The following ARHGAP18 variants were observed in gnomAD, a reference collection of about 807,000 sequenced individuals.
ARHGAP18 encodes rho GTPase-activating protein 18.
ARHGAP18 carries 67 observed loss-of-function variants against 86.2 expected under a neutral mutation model. The ratio of observed to expected loss-of-function variants is 0.78; its 90% CI spans 0.64 to 0.95. The LOEUF (loss-of-function observed/expected upper bound fraction) is 0.95, where lower values mean the gene tolerates loss of function less well. ARHGAP18 is among the 40% of genes least tolerant of loss of function. The pLI is 0.00. For synonymous variants in ARHGAP18, 283 were observed against 280.4 expected (o/e 1.01, Z -0.09); for missense variants, 691 against 780.4 (o/e 0.89, Z 1.37).
intron 1 of ARHGAP18, among the ~76,000 whole-genome samples, chr6:129,685,290 T>C (rs1026242579): frequency 5.3e-5 from 8 of 152,096 alleles, no homozygotes; most frequent in African/African-American, 1.9e-4. Flanking sequence ...GCGGATCAAT[T>C]GAGGTCAAGA....
chr6:129,669,283 T>C (rs1180785265), intron 1 of ARHGAP18, among the ~76,000 whole-genome samples: 1 of 151,994 alleles, frequency 6.6e-6, no homozygotes, highest in East Asian at 2.0e-4. Flanking sequence ...GCCATTCTCC[T>C]GCCTCAGCCT....
At chr6:129,601,631 CT>C (rs34417139) in intron 10 of ARHGAP18, among the ~76,000 whole-genome samples, 235 of 143,076 alleles carry the variant, frequency 1.6e-3, no homozygotes, top group Admixed American at 3.0e-3. Context: ...GAGAATCTTT[CT>C]TTTTTTTTTT....
At chr6:129,621,931 G>GT (rs66941131) in intron 5 of ARHGAP18, among the ~76,000 whole-genome samples, 34,937 of 152,038 alleles carry the variant, frequency 0.23, 4,438 homozygotes, top group Non-Finnish European at 0.28. Context: ...CTCCTAAATC[G>GT]TAAGTTTTGT....
chr6:129,618,739 A>G lies in ARHGAP18; in HGVS notation c.900T>C (p.Asp300=). ...GTTGTTTCAGCTCAATACCCAATAC[A>G]TCATAGAGGGCAGTCAGCTCAATTA... ...LALIELTALY[D]VLGIELKQQK... Residue 300 remains aspartate (D), a synonymous_variant, in exon 6 of 15, where the codon GAT becomes GAC. Transcript: ENST00000368149. The G allele has an allele frequency of 1.2e-6, 2 of 1,613,590 alleles. No individual in the cohort carries two copies. The highest frequency in any genetic ancestry group is 1.1e-5 in the South Asian group (1 of 91,046).
At chr6:129,614,812 T>C (rs1584048133) in intron 7 of ARHGAP18, among the ~76,000 whole-genome samples, 1 of 151,090 alleles carries the variant, frequency 6.6e-6, no homozygotes, top group South Asian at 2.1e-4. Flanking sequence ...TATTTAATAC[T>C]CTCTATAATG....
chr6:129,613,206 C>G (rs1789019045), intron 7 of ARHGAP18, among the ~76,000 whole-genome samples: 1 of 144,724 alleles, frequency 6.9e-6, no homozygotes, highest in South Asian at 2.1e-4. Context: ...GCACTCCAGC[C>G]TGGGCGACAG....
chr6:129,695,153 C>A (rs1774591705), intron 1 of ARHGAP18, among the ~76,000 whole-genome samples: 1 of 151,606 alleles, frequency 6.6e-6, no homozygotes, highest in African/African-American at 2.4e-5. Context: ...GCTTCTAGGT[C>A]AAAAAAAATT....
intron 8 of ARHGAP18, among the ~76,000 whole-genome samples, chr6:129,608,810 G>A (rs1215613883): frequency 6.6e-6 from 1 of 152,092 alleles, no homozygotes; most frequent in Non-Finnish European, 1.5e-5. Context: ...ACTTTCCTCT[G>A]TTACATGAAA....
At chr6:129,638,336 G>T in intron 3 of ARHGAP18, 58 bp downstream of exon 3, 1 of 1,477,104 alleles carries the variant, frequency 6.8e-7, no homozygotes, top group South Asian at 1.2e-5. Flanking sequence ...AAACCAGATT[G>T]ATCCAATTAA....
intron 1 of ARHGAP18, among the ~76,000 whole-genome samples, chr6:129,671,481 T>C (rs1225292516): frequency 1.3e-5 from 2 of 152,174 alleles, no homozygotes; most frequent in Non-Finnish European, 2.9e-5. Flanking sequence ...GGAAGACTGC[T>C]TGAGCCTGGG....
At chr6:129,628,513 T>C (rs1010023126) in intron 5 of ARHGAP18, among the ~76,000 whole-genome samples, 2 of 152,186 alleles carry the variant, frequency 1.3e-5, no homozygotes, top group Non-Finnish European at 1.5e-5. Flanking sequence ...GGTATCTTTT[T>C]ATAATGGGGA....
intron 1 of ARHGAP18, among the ~76,000 whole-genome samples, chr6:129,648,738 A>T (rs1487390652): frequency 6.6e-6 from 1 of 152,164 alleles, no homozygotes; most frequent in Non-Finnish European, 1.5e-5. Flanking sequence ...TGTTAGAAAA[A>T]AAAAGCATGT....
At chr6:129,587,502 A>G (rs1788418856) in intron 12 of ARHGAP18, among the ~76,000 whole-genome samples, 1 of 152,210 alleles carries the variant, frequency 6.6e-6, no homozygotes, top group Admixed American at 6.5e-5. Flanking sequence ...GGTAATTTAT[A>G]AAGAAAAGAG....
rs764925150 is a variant in ARHGAP18 at position 129,584,005 on chromosome 6, C to T, written c.1821G>A (p.Arg607=). 1 of 1,613,342 alleles carries T rather than the reference C, an allele frequency of 6.2e-7. No homozygotes were observed. Among genetic ancestry groups the T allele is most frequent in the South Asian group, 1.1e-5 (1 of 91,012 alleles). ...GCCTCTACCTTTCTTGGCTGAGAAA[C>T]CTGGCAAGTACATCACTGGCTTTTA... ...EELKASDVLA[R]FLSQESGVAQ... The change falls in exon 13 of 15, where the codon AGG becomes AGA. Residue 607 remains arginine (R), a synonymous_variant. Transcript: ENST00000368149.
chr6:129,616,325 T>A, intron 6 of ARHGAP18, 22 bp from the exon 7 acceptor site: 2 of 1,575,042 alleles, frequency 1.3e-6, no homozygotes. Context: ...AAAATGAAAT[T>A]TCCTCACTTT....
intron 13 of ARHGAP18, among the ~76,000 whole-genome samples, chr6:129,580,701 C>T (rs1304363889): frequency 6.6e-6 from 1 of 152,032 alleles, no homozygotes; most frequent in Admixed American, 6.6e-5. Flanking sequence ...GGCAAAACCC[C>T]ATTTCTACCC....
rs188942155 is a variant in ARHGAP18, at chr6:129,688,651, G to T, written c.113+21373C>A. On this transcript the variant is annotated intron_variant, in intron 1 of 14. Coordinates refer to ENST00000368149, the MANE Select transcript of ARHGAP18 (RefSeq NM_033515.3). ...CTACTAAAAGTACAAAATTAGCCAA[G>T]CATGGTGGCACATGCCTGTAATCCC... Among the ~76,000 whole-genome samples the T allele has an allele frequency of 5.2e-4, 79 of 152,280 alleles. 1 individual carries two copies. The highest frequency in any genetic ancestry group is 1.0e-3 in the Non-Finnish European group (71 of 68,024).
At chr6:129,622,817 A>G (rs1789257591) in intron 5 of ARHGAP18, among the ~76,000 whole-genome samples, 1 of 152,034 alleles carries the variant, frequency 6.6e-6, no homozygotes, top group Admixed American at 6.6e-5. Context: ...CCTGACCAAC[A>G]TGGTGAAACC....
At chr6:129,689,415 C>G (rs779304611) in intron 1 of ARHGAP18, among the ~76,000 whole-genome samples, 15 of 152,120 alleles carry the variant, frequency 9.9e-5, no homozygotes, top group East Asian at 7.7e-4. Flanking sequence ...GCCTCCACCT[C>G]CAGAGTAGCT....
Sources: gnomAD v4.1 joint callset for allele counts (sites outside exome capture counted in the v4.1 genomes callset) on GRCh38, gnomAD v4.1.1 for gene constraint, MANE v1.5 for transcripts, NCBI Gene and HGNC (gene_info 2026-07-23, HGNC 2026-07-21) for gene names.